Variants in PTPRD observed in about 807,000 individuals in gnomAD.
The protein encoded by PTPRD is protein tyrosine phosphatase receptor type D, also known as receptor-type tyrosine-protein phosphatase delta.
PTPRD carries 34 observed loss-of-function variants against 214.5 expected under a neutral mutation model. The ratio of observed to expected loss-of-function variants is 0.16; its 90% CI spans 0.12 to 0.21. PTPRD has a LOEUF of 0.21. Ranked by LOEUF, PTPRD falls within the 10% of genes least tolerant of loss-of-function variation. The pLI is 1.00. For missense variants in PTPRD, 2,545 were observed against 2,398.7 expected (o/e 1.06, Z -1.27); for synonymous variants, 1,128 against 845.7 (o/e 1.33, Z -5.79).
At chr9:9,791,635 T>C (rs146912107) in intron 5 of PTPRD, among the ~76,000 whole-genome samples, 2 of 152,288 alleles carry the variant, frequency 1.3e-5, no homozygotes, top group Admixed American at 1.3e-4. Context: ...TTTTACATTA[T>C]TTGCAGGGAG....
chr9:9,737,883 G>C (rs2098328162), intron 6 of PTPRD, among the ~76,000 whole-genome samples: 1 of 152,260 alleles, frequency 6.6e-6, no homozygotes, highest in East Asian at 1.9e-4. Flanking sequence ...GTAATTCTAT[G>C]TGTTTGATGA....
chr9:8,650,097 T>C (rs1009492199), intron 12 of PTPRD, among the ~76,000 whole-genome samples: 1 of 152,072 alleles, frequency 6.6e-6, no homozygotes, highest in Non-Finnish European at 1.5e-5. Flanking sequence ...TTAAAATGTT[T>C]TGTAGAGATG....
At chr9:9,717,366 A>G (rs1408761636) in intron 7 of PTPRD, among the ~76,000 whole-genome samples, 3 of 152,160 alleles carry the variant, frequency 2.0e-5, no homozygotes. Context: ...ACTTTAAAGT[A>G]GTTTTTTCCA....
At chr9:10,016,347 G>C (rs1268878724) in intron 4 of PTPRD, among the ~76,000 whole-genome samples, 2 of 134,530 alleles carry the variant, frequency 1.5e-5, no homozygotes, top group Non-Finnish European at 3.3e-5. Flanking sequence ...TGAGATAGAT[G>C]ATAGAAAGAT....
intron 8 of PTPRD, among the ~76,000 whole-genome samples, chr9:9,515,186 T>G (rs570675984): frequency 5.9e-5 from 9 of 152,238 alleles, no homozygotes; most frequent in South Asian, 2.1e-4. Flanking sequence ...AGAAGTCTTT[T>G]GTAAACACTT....
intron 11 of PTPRD, among the ~76,000 whole-genome samples, chr9:8,920,354 A>G (rs536732859): frequency 4.6e-5 from 7 of 152,164 alleles, no homozygotes; most frequent in African/African-American, 1.7e-4. Context: ...ATATTAAGAC[A>G]ATATTTTTTC....
At chr9:9,390,555 A>G (rs912341796) in intron 9 of PTPRD, among the ~76,000 whole-genome samples, 2 of 152,176 alleles carry the variant, frequency 1.3e-5, no homozygotes, top group Non-Finnish European at 2.9e-5. Context: ...AAATAATTTT[A>G]AAAATTTAAA....
chr9:9,938,895 T>C (rs184193653), intron 4 of PTPRD, among the ~76,000 whole-genome samples: 2 of 152,306 alleles, frequency 1.3e-5, no homozygotes, highest in Non-Finnish European at 2.9e-5. Context: ...GTATAAGTAA[T>C]TGATGCGTTA....
chr9:9,342,858 CT>C (rs2047350326), intron 9 of PTPRD, among the ~76,000 whole-genome samples: 1 of 152,232 alleles, frequency 6.6e-6, no homozygotes, highest in East Asian at 1.9e-4. Flanking sequence ...TATCCCTCCC[CT>C]AGCCCCCTAC....
intron 3 of PTPRD, among the ~76,000 whole-genome samples, chr9:10,273,057 A>T (rs2094503717): frequency 6.6e-6 from 1 of 152,164 alleles, no homozygotes; most frequent in Non-Finnish European, 1.5e-5. Flanking sequence ...GATTGGCACA[A>T]TGTGTATGCA....
At chr9:8,962,538 AAGAG>A (rs34968070) in intron 11 of PTPRD, among the ~76,000 whole-genome samples, 15 of 149,708 alleles carry the variant, frequency 1.0e-4, no homozygotes, top group African/African-American at 1.5e-4. Flanking sequence ...AGAAGAGAGA[AAGAG>A]AGAGAGAGAG....
At chr9:9,012,630 G>A (rs548922086) in intron 11 of PTPRD, among the ~76,000 whole-genome samples, 47 of 152,292 alleles carry the variant, frequency 3.1e-4, no homozygotes, top group African/African-American at 1.1e-3. Context: ...TTAAGTGGAT[G>A]TGAGAACAAA....
intron 2 of PTPRD, among the ~76,000 whole-genome samples, chr9:10,515,666 G>C (rs557942938): frequency 6.6e-6 from 1 of 152,018 alleles, no homozygotes; most frequent in East Asian, 1.9e-4. Context: ...CTCTAGGCAT[G>C]ATATTTCACA....
At chr9:9,747,456 G>A (rs1296768817) in intron 6 of PTPRD, among the ~76,000 whole-genome samples, 1 of 151,978 alleles carries the variant, frequency 6.6e-6, no homozygotes, top group Non-Finnish European at 1.5e-5. Context: ...TTACAAAACT[G>A]GGGCTGAAAA....
intron 14 of PTPRD, among the ~76,000 whole-genome samples, chr9:8,615,803 A>C (rs1486958102): frequency 6.6e-6 from 1 of 152,112 alleles, no homozygotes; most frequent in East Asian, 1.9e-4. Context: ...CTTATCAGGA[A>C]GTAATAATTT....
chr9:9,327,450 CAA>C (rs1569567402), intron 9 of PTPRD, among the ~76,000 whole-genome samples: 2 of 151,834 alleles, frequency 1.3e-5, no homozygotes, highest in African/African-American at 4.8e-5. Context: ...TGGCACAACC[CAA>C]GACACTAAAT....
At chr9:9,224,901 A>G (rs1038579868) in intron 9 of PTPRD, among the ~76,000 whole-genome samples, 9 of 152,034 alleles carry the variant, frequency 5.9e-5, no homozygotes, top group Non-Finnish European at 1.2e-4. Flanking sequence ...CATGTTGTCT[A>G]TGAACTGAAA....
At chr9:8,595,400 G>C (rs867371191) in intron 14 of PTPRD, among the ~76,000 whole-genome samples, 1 of 152,076 alleles carries the variant, frequency 6.6e-6, no homozygotes, top group Non-Finnish European at 1.5e-5. Flanking sequence ...AGACAGTTTA[G>C]AATTTAAATG....
At chr9:10,579,691 CT>C (rs1361230987) in intron 2 of PTPRD, among the ~76,000 whole-genome samples, 1 of 152,156 alleles carries the variant, frequency 6.6e-6, no homozygotes, top group African/African-American at 2.4e-5. Flanking sequence ...CTCCAAACTG[CT>C]TTCCACAATG....
Sources: allele counts gnomAD v4.1 joint callset (sites outside exome capture counted in the v4.1 genomes callset), GRCh38; gene constraint gnomAD v4.1.1; transcripts MANE v1.5; gene names NCBI Gene and HGNC (gene_info 2026-07-23, HGNC 2026-07-21).